Variants in GPATCH2 observed in about 807,000 individuals in gnomAD.
The protein encoded by GPATCH2 is G patch domain-containing protein 2.
GPATCH2 carries 51 observed loss-of-function variants against 58.0 expected under a neutral mutation model. The observed-to-expected ratio is 0.88, with a 90% CI of 0.70 to 1.11. GPATCH2 has a LOEUF of 1.11. GPATCH2 is among the 50% of genes most tolerant of loss of function. GPATCH2 has a pLI of 0.00. For missense variants in GPATCH2, 625 were observed against 652.2 expected (o/e 0.96, Z 0.45); for synonymous variants, 222 against 218.5 (o/e 1.02, Z -0.14).
chr1:217,447,434 C>A (rs113668095), intron 9 of GPATCH2, among the ~76,000 whole-genome samples: 1 of 152,162 alleles, frequency 6.6e-6, no homozygotes, highest in Non-Finnish European at 1.5e-5. Context: ...CCTTCCCTTG[C>A]GTTCAATAAT....
rs1195377530 is a variant in GPATCH2 at position 217,611,198 on chromosome 1, CT to C, written c.836-128del. 4 of 791,890 alleles carry C rather than the reference CT, an allele frequency of 5.1e-6. No individual in the cohort carries two copies. The East Asian group carries it at 1.0e-4, about 21-fold the overall frequency. 49.1% of individuals were successfully genotyped at this position (791,890 alleles called of 1,614,324 possible). ...ATTTGAATTTGAGATCAATGACTAA[CT>C]TTTAATATAAGTATTATATACTTGC... On this transcript the variant is annotated intron_variant, in intron 3 of 9. Transcript: ENST00000366935.
In GPATCH2 at chr1:217,619,871, C is replaced by A. The variant is rs1384130916; in HGVS notation, c.685G>T (p.Val229Phe). Residue 229 changes from valine (V) to phenylalanine (F), a missense_variant, in exon 2 of 10, where the codon GTT becomes TTT. Physicochemically the swap from Val to Phe is conservative, Grantham distance 50. Coordinates refer to ENST00000366935, the MANE Select transcript of GPATCH2 (RefSeq NM_018040.5). ...QGPKIQDEGV[V>F]LESEETNQTN... ...TGGTTCGTTTCCTCACTTTCTAAAA[C>A]TACTCCTTCATCTTGGATTTTTGGT... 6.2e-7 allele frequency: 1 copy of A among 1,613,850 alleles called. No homozygotes were observed.
At chr1:217,433,361 C>CACATATATATATATATATATATATAT (rs1491151192) in intron 9 of GPATCH2, among the ~76,000 whole-genome samples, 7 of 118,572 alleles carry the variant, frequency 5.9e-5, no homozygotes, top group Middle Eastern at 4.5e-3. Context: ...TTAAGCTGTT[C>CACATATATATATATATATATATATAT]ATATATATAT....
intron 8 of GPATCH2, among the ~76,000 whole-genome samples, chr1:217,466,948 G>C (rs1660484472): frequency 6.6e-6 from 1 of 152,162 alleles, no homozygotes. Context: ...TGAGGCAGGC[G>C]GATTGCCTGA....
In GPATCH2 at chr1:217,503,927, C is replaced by A. The variant is rs376543354; in HGVS notation, c.1167-5532G>T. Among the ~76,000 whole-genome samples, 45 of 152,200 alleles carry A rather than the reference C, an allele frequency of 3.0e-4. No individual in the cohort carries two copies. In the East Asian group the frequency reaches 3.9e-3, roughly 13 times the overall value. On this transcript the variant is annotated intron_variant, in intron 6 of 9. Coordinates refer to ENST00000366935, the MANE Select transcript of GPATCH2 (RefSeq NM_018040.5). ...ACTACTCTAGGGACAGTTATTATTA[C>A]CATTCTGCAAATAAAGAAACAGGCT...
intron 5 of GPATCH2, among the ~76,000 whole-genome samples, chr1:217,515,866 G>A (rs1430825974): frequency 2.7e-5 from 4 of 150,468 alleles, no homozygotes; most frequent in Non-Finnish European, 5.9e-5. Context: ...TTTGTAGCTA[G>A]ATCCTAAATA....
At chr1:217,601,672 G>A (rs942004401) in intron 5 of GPATCH2, among the ~76,000 whole-genome samples, 3 of 152,034 alleles carry the variant, frequency 2.0e-5, no homozygotes, top group Non-Finnish European at 4.4e-5. Context: ...AGGGCAATTA[G>A]AAGAAAGGCA....
At position 217,428,498 on chromosome 1, in the gene GPATCH2, A is replaced by G. The variant is rs959486484; in HGVS notation, c.*2647T>C. 1 of 152,134 alleles carries G rather than the reference A, an allele frequency of 6.6e-6. No individual in the cohort carries two copies. The highest frequency in any genetic ancestry group is 2.4e-5 in the African/African-American group (1 of 41,436). 9.4% of individuals were successfully genotyped at this position (152,134 alleles called of 1,614,324 possible). A position where few individuals can be genotyped will look rare whatever the true frequency, so the allele number is the denominator to read the frequency against. On this transcript the variant is annotated 3_prime_UTR_variant, in exon 10 of 10. Coordinates refer to ENST00000366935, the MANE Select transcript of GPATCH2 (RefSeq NM_018040.5). ...TATTTTAATTGCGTTTGTTTCTCCA[A>G]TTAAGTTCAGGTACAACCAGAACAT...
chr1:217,608,936 T>G lies in GPATCH2; in HGVS notation c.1098+1385A>C, dbSNP rs1364083767. The G allele has an allele frequency of 3.0e-6, 3 of 984,116 alleles. No individual in the cohort carries two copies. The Admixed American group carries it at 1.8e-4, about 61-fold the overall frequency. 61.0% of individuals were successfully genotyped at this position (984,116 alleles called of 1,614,324 possible). Reference sequence around the variant, plus strand: ...GAAGATGTCACACATTCCTGTTTAATGCATTTGCTGAAATCTTTCAGACTT... The same window carrying G: ...GAAGATGTCACACATTCCTGTTTAAGGCATTTGCTGAAATCTTTCAGACTT... On this transcript the variant is annotated intron_variant, in intron 5 of 9. Transcript: ENST00000366935.
chr1:217,482,546 T>C (rs953836302), intron 8 of GPATCH2, among the ~76,000 whole-genome samples: 7 of 152,080 alleles, frequency 4.6e-5, no homozygotes, highest in Admixed American at 1.3e-4. Context: ...CCAGTGTGTC[T>C]GGAGCTCACG....
intron 8 of GPATCH2, among the ~76,000 whole-genome samples, chr1:217,454,041 T>C (rs1353305612): frequency 6.6e-6 from 1 of 152,088 alleles, no homozygotes; most frequent in African/African-American, 2.4e-5. Flanking sequence ...AGGTCTGTGG[T>C]GTCACTGGAG....
At chr1:217,526,731 A>G (rs1663926234) in intron 5 of GPATCH2, among the ~76,000 whole-genome samples, 1 of 152,236 alleles carries the variant, frequency 6.6e-6, no homozygotes, top group Non-Finnish European at 1.5e-5. Flanking sequence ...GGTTGTTTAT[A>G]GCAGGGAACC....
chr1:217,531,234 G>A (rs978462571), intron 5 of GPATCH2, among the ~76,000 whole-genome samples: 2 of 152,150 alleles, frequency 1.3e-5, no homozygotes, highest in African/African-American at 4.8e-5. Flanking sequence ...TTACACATAT[G>A]TTTGTCTTCT....
At chr1:217,454,225 G>A (rs1335382044) in intron 8 of GPATCH2, among the ~76,000 whole-genome samples, 2 of 151,974 alleles carry the variant, frequency 1.3e-5, no homozygotes, top group South Asian at 2.1e-4. Context: ...GTACCCAAAC[G>A]CACAATACAA....
At chr1:217,578,698 C>T (rs938909207) in intron 5 of GPATCH2, among the ~76,000 whole-genome samples, 7 of 152,162 alleles carry the variant, frequency 4.6e-5, no homozygotes, top group South Asian at 2.1e-4. Flanking sequence ...ACACAATACA[C>T]GTATTTTGAT....
intron 9 of GPATCH2, among the ~76,000 whole-genome samples, chr1:217,439,602 C>A (rs1303479262): frequency 6.6e-6 from 1 of 151,736 alleles, no homozygotes; most frequent in East Asian, 1.9e-4. Context: ...AAAACATTAA[C>A]AAAATAGACT....
At chr1:217,511,529 T>C (rs1662850497) in intron 6 of GPATCH2, among the ~76,000 whole-genome samples, 1 of 152,192 alleles carries the variant, frequency 6.6e-6, no homozygotes, top group African/African-American at 2.4e-5. Flanking sequence ...GTCAGTTTCA[T>C]GTATCTAACT....
intron 5 of GPATCH2, among the ~76,000 whole-genome samples, chr1:217,579,555 C>T (rs1199465754): frequency 6.6e-6 from 1 of 152,116 alleles, no homozygotes; most frequent in African/African-American, 2.4e-5. Context: ...GCACTTAGCA[C>T]ATAAAAATCT....
chr1:217,441,086 C>T (rs542324068), intron 9 of GPATCH2, among the ~76,000 whole-genome samples: 10 of 152,280 alleles, frequency 6.6e-5, no homozygotes, highest in East Asian at 3.9e-4. Flanking sequence ...GGAGGCATCA[C>T]GCTACCTGAC....
Sources: gnomAD v4.1 joint callset for allele counts (sites outside exome capture counted in the v4.1 genomes callset) on GRCh38, gnomAD v4.1.1 for gene constraint, MANE v1.5 for transcripts, NCBI Gene and HGNC (gene_info 2026-07-23, HGNC 2026-07-21) for gene names.